The following OSBPL2 variants were observed in gnomAD, a reference collection of about 807,000 sequenced individuals.
The protein encoded by OSBPL2 is oxysterol binding protein like 2.
In OSBPL2, 18 loss-of-function variants were observed where a neutral mutation model predicts 58.4. The ratio of observed to expected loss-of-function variants is 0.31; its 90% CI spans 0.21 to 0.46. OSBPL2 has a LOEUF of 0.46. Ranked by LOEUF, OSBPL2 falls within the 20% of genes least tolerant of loss-of-function variation. OSBPL2 has a pLI of 1.00. For synonymous variants in OSBPL2, 221 were observed against 234.1 expected (o/e 0.94, Z 0.51); for missense variants, 461 against 616.5 (o/e 0.75, Z 2.67).
intron 2 of OSBPL2, among the ~76,000 whole-genome samples, chr20:62,257,192 C>T (rs1980980270): frequency 6.6e-6 from 1 of 152,170 alleles, no homozygotes; most frequent in Non-Finnish European, 1.5e-5. Context: ...GTCTGTGGCC[C>T]TGCCAGGGTG....
At chr20:62,239,652 C>A (rs1361596019) in intron 1 of OSBPL2, among the ~76,000 whole-genome samples, 2 of 152,184 alleles carry the variant, frequency 1.3e-5, no homozygotes, top group Non-Finnish European at 2.9e-5. Context: ...GCTGTGCGGC[C>A]TTCCCACCAG....
intron 6 of OSBPL2, among the ~76,000 whole-genome samples, chr20:62,276,627 A>C (rs1250059198): frequency 6.6e-6 from 1 of 152,156 alleles, no homozygotes; most frequent in Non-Finnish European, 1.5e-5. Flanking sequence ...AGCAAGTAGG[A>C]CTAGTTTGGA....
At chr20:62,292,587 A>C (rs1321261477) in intron 13 of OSBPL2, among the ~76,000 whole-genome samples, 1 of 152,208 alleles carries the variant, frequency 6.6e-6, no homozygotes, top group East Asian at 1.9e-4. Flanking sequence ...TCAATAATGT[A>C]CTGTAATAAG....
At chr20:62,264,610 TA>T (rs1981547433) in intron 4 of OSBPL2, 2 of 152,210 alleles carry the variant, frequency 1.3e-5, no homozygotes, top group Admixed American at 1.3e-4. Flanking sequence ...CTTAACTTTT[TA>T]TTTTGAAATA....
rs1982014428 is a variant in OSBPL2 at position 62,270,942 on chromosome 20, T to C, written c.259-1183T>C. On this transcript the variant is annotated intron_variant, in intron 4 of 13. Coordinates refer to ENST00000313733, the MANE Select transcript of OSBPL2 (RefSeq NM_144498.4). ...TCTCTGGGTCCTCTCCTTGTCCCTC[T>C]CTGGGTCCTCTCCTTGTCCCTCTCT... is the stretch of plus-strand genomic sequence containing the variant. Among the ~76,000 whole-genome samples, 5 of 65,802 alleles carry C rather than the reference T, an allele frequency of 7.6e-5. No homozygotes were observed. The South Asian group carries it at 4.0e-3, about 53-fold the overall frequency. The allele number at this position is 65,802 out of a possible 152,430, so 43.2% of individuals were successfully genotyped here. A position where few individuals can be genotyped will look rare whatever the true frequency, so the allele number is the denominator to read the frequency against.
rs1284455886 is a variant in OSBPL2 at position 62,260,055 on chromosome 20, A to G, written c.112A>G (p.Thr38Ala). ...QKVTGMIDLD[T>A]SKNNRIGKTG... ...AGTCACGGGAATGATTGACTTAGAC[A>G]CCAGCAAAAATAATAGGATTGGGAA... Residue 38 changes from threonine to alanine, a missense_variant, in exon 3 of 14, where the codon ACC becomes GCC. By Grantham distance (58) the Thr-to-Ala change is moderately conservative. This residue lies in a region of OSBPL2 where 80 missense variants were observed against 74.8 expected (regional missense o/e 1.07). Coordinates refer to ENST00000313733, the MANE Select transcript of OSBPL2 (RefSeq NM_144498.4). The G allele has an allele frequency of 1.9e-6, 3 of 1,613,808 alleles. No individual in the cohort carries two copies. The highest frequency in any genetic ancestry group is 2.5e-6 in the Non-Finnish European group (3 of 1,179,686).
intron 8 of OSBPL2, 75 bp downstream of exon 8, chr20:62,281,240 C>T (rs750552966): frequency 1.9e-4 from 208 of 1,095,882 alleles, no homozygotes; most frequent in Non-Finnish European, 2.6e-4. Flanking sequence ...CGTGAGCATC[C>T]GTGCTCCTGG....
chr20:62,279,708 C>T (rs555976963), intron 7 of OSBPL2, among the ~76,000 whole-genome samples: 24 of 152,372 alleles, frequency 1.6e-4, no homozygotes, highest in African/African-American at 5.0e-4. Flanking sequence ...AGCTTCCACA[C>T]CAGGCTGGCA....
At position 62,279,953 on chromosome 20, in the gene OSBPL2, C is replaced by CT. The variant is rs1982676422; in HGVS notation, c.674+615dup. 4 of 1,303,758 alleles carry CT rather than the reference C, an allele frequency of 3.1e-6. No individual in the cohort carries two copies. In the South Asian group the frequency reaches 4.9e-5, roughly 16 times the overall value. 80.8% of individuals were successfully genotyped at this position (1,303,758 alleles called of 1,614,324 possible). A position where few individuals can be genotyped will look rare whatever the true frequency, so the allele number is the denominator to read the frequency against. On this transcript the variant is annotated intron_variant, in intron 7 of 13. Transcript: ENST00000313733. ...TTGAAACAGCGTGGGAGGGGACCCTCTGAGAGGCTGCTTGCCACCCCTCTT... is the reference window on the plus strand; with the variant it reads ...TTGAAACAGCGTGGGAGGGGACCCTCTTGAGAGGCTGCTTGCCACCCCTCTT...
chr20:62,280,035 AAC>A lies in OSBPL2; in HGVS notation c.674+700_674+701del, dbSNP rs575354367. ...GTCAACCAAAGACACCTCAGAGCAA[AAC>A]ACAAGTCTCCAACAAATGCCGGCCG... On this transcript the variant is annotated intron_variant, in intron 7 of 13. Coordinates refer to ENST00000313733, the MANE Select transcript of OSBPL2 (RefSeq NM_144498.4). 5.0e-4 allele frequency: 658 copies of A among 1,304,230 alleles called. 5 individuals are homozygous for A. The African/African-American group carries it at 7.1e-3, about 14-fold the overall frequency. 80.8% of individuals were successfully genotyped at this position (1,304,230 alleles called of 1,614,324 possible).
In OSBPL2 at chr20:62,279,227, G is replaced by C; in HGVS notation, c.562G>C (p.Glu188Gln). 6.2e-7 allele frequency: 1 copy of C among 1,614,178 alleles called. No homozygotes were observed. The highest frequency in any genetic ancestry group is 2.2e-5 in the East Asian group (1 of 44,890). Residue 188 changes from glutamate (E) to glutamine (Q), a missense_variant, in exon 7 of 14, where the codon GAA (glutamate) becomes CAA (glutamine). Coordinates refer to ENST00000313733, the MANE Select transcript of OSBPL2 (RefSeq NM_144498.4). The part of the protein sequence containing the change: ...HHPPISAFHS[E>Q]GLNHDFLFHG... ...CCCCCCCATCAGTGCGTTCCACTCGGAAGGTCTCAACCATGACTTCCTGTT... is the reference window on the plus strand; with the variant it reads ...CCCCCCCATCAGTGCGTTCCACTCGCAAGGTCTCAACCATGACTTCCTGTT...
intron 9 of OSBPL2, among the ~76,000 whole-genome samples, chr20:62,283,824 C>T (rs1982939086): frequency 1.3e-5 from 2 of 152,078 alleles, no homozygotes; most frequent in Non-Finnish European, 2.9e-5. Context: ...GGTGGGCTGT[C>T]CATCCTTTAG....
intron 13 of OSBPL2, among the ~76,000 whole-genome samples, chr20:62,293,018 G>A (rs1983622887): frequency 6.6e-6 from 1 of 151,616 alleles, no homozygotes; most frequent in African/African-American, 2.4e-5. Flanking sequence ...ACAGGTGCCT[G>A]CCACCACGCC....
At chr20:62,289,971 T>C (rs1040082016) in intron 12 of OSBPL2, among the ~76,000 whole-genome samples, 8 of 152,182 alleles carry the variant, frequency 5.3e-5, no homozygotes, top group African/African-American at 1.7e-4. Flanking sequence ...TTTGTTATTA[T>C]TAAATTAAAC....
chr20:62,238,754 G>A (rs1275271576), intron 1 of OSBPL2, among the ~76,000 whole-genome samples, 157 bp downstream of exon 1: 1 of 151,082 alleles, frequency 6.6e-6, no homozygotes, highest in Non-Finnish European at 1.5e-5. Flanking sequence ...CCCGGCCCCG[G>A]CCTCGACCCC....
intron 9 of OSBPL2, among the ~76,000 whole-genome samples, chr20:62,282,665 A>G (rs1236760489): frequency 6.6e-6 from 1 of 152,174 alleles, no homozygotes. Context: ...CGTCTCTACT[A>G]AAAATACGAA....
chr20:62,247,656 CCTTT>C (rs1187081571), intron 1 of OSBPL2, among the ~76,000 whole-genome samples: 4 of 151,130 alleles, frequency 2.6e-5, no homozygotes, highest in East Asian at 1.9e-4. Context: ...TCCTTAGGGT[CCTTT>C]CTTTCTTTCT....
chr20:62,280,079 A>G, intron 7 of OSBPL2: 1 of 1,304,302 alleles, frequency 7.7e-7, no homozygotes, highest in Non-Finnish European at 1.0e-6. Context: ...CCCGACAGAC[A>G]CAGACCGGAT....
At chr20:62,289,111 C>T in intron 11 of OSBPL2, 96 bp from the exon 12 acceptor site, 1 of 1,404,376 alleles carries the variant, frequency 7.1e-7, no homozygotes, top group South Asian at 1.3e-5. Context: ...AGTCAGGTAG[C>T]ACCTGCGGGA....
Sources: allele counts gnomAD v4.1 joint callset (sites outside exome capture counted in the v4.1 genomes callset), GRCh38; gene constraint gnomAD v4.1.1; regional missense constraint gnomAD v4.1.1; transcripts MANE v1.5; gene names NCBI Gene and HGNC (gene_info 2026-07-23, HGNC 2026-07-21).